Variants in SPON1 observed in about 807,000 individuals in gnomAD.
SPON1 encodes spondin-1.
A neutral mutation model predicts 111.7 loss-of-function variants in SPON1; 52 were observed. The ratio of observed to expected loss-of-function variants is 0.47; its 90% confidence interval spans 0.37 to 0.59. The LOEUF is 0.59. Ranked by LOEUF, SPON1 falls within the 20% of genes least tolerant of loss-of-function variation. The pLI is 0.00. For synonymous variants in SPON1, 410 were observed against 395.8 expected, an observed-to-expected ratio of 1.04 and a Z score of -0.43; for missense variants, 957 against 1,068.5, an observed-to-expected ratio of 0.90 and a Z score of 1.46.
intron 6 of SPON1, among the ~76,000 whole-genome samples, chr11:14,212,814 A>T (rs1241883417): frequency 6.6e-6 from 1 of 152,176 alleles, no homozygotes; most frequent in African/African-American, 2.4e-5. Context: ...ACATATAAGC[A>T]ATGGGGAGCC....
intron 2 of SPON1, among the ~76,000 whole-genome samples, chr11:13,989,262 A>G (rs1848209108): frequency 6.6e-6 from 1 of 152,032 alleles, no homozygotes; most frequent in Non-Finnish European, 1.5e-5. Context: ...CAGCTTCTTC[A>G]TGGTTTCGAC....
At chr11:14,078,563 T>C (rs112073575) in intron 4 of SPON1, among the ~76,000 whole-genome samples, 1,850 of 152,278 alleles carry the variant, frequency 0.012, 46 homozygotes, top group African/African-American at 0.041. Context: ...ATGAGGTCTT[T>C]CCTGGAGTAA....
intron 6 of SPON1, among the ~76,000 whole-genome samples, chr11:14,185,506 G>A (rs1213486169): frequency 1.3e-5 from 2 of 152,162 alleles, no homozygotes; most frequent in African/African-American, 2.4e-5. Flanking sequence ...ACAGACCAGG[G>A]GCTTGGTTCA....
Position 14,266,730 on chromosome 11 carries a change from CAG to C in SPON1, c.*1049_*1050del, listed in dbSNP as rs573296068. ...TATTTTAGTCATGAAATTTTATATG[CAG>C]AGAGAAAAAGTTACCGAGACAGAAA... On this transcript the variant is annotated 3_prime_UTR_variant, in exon 16 of 16. Transcript: ENST00000576479. 5.9e-5 allele frequency: 9 copies of C among 152,064 alleles called. No individual in the cohort carries two copies. The East Asian group carries it at 1.7e-3, about 29-fold the overall frequency. The allele number at this position is 152,064 out of a possible 1,614,324, so 9.4% of individuals were successfully genotyped here.
At chr11:14,208,856 A>G (rs1848543388) in intron 6 of SPON1, among the ~76,000 whole-genome samples, 1 of 152,120 alleles carries the variant, frequency 6.6e-6, no homozygotes, top group Non-Finnish European at 1.5e-5. Context: ...TACTTTATTA[A>G]TTATTATTGC....
chr11:14,143,351 C>G (rs2133864593), intron 6 of SPON1, among the ~76,000 whole-genome samples: 1 of 152,204 alleles, frequency 6.6e-6, no homozygotes, highest in Admixed American at 6.5e-5. Flanking sequence ...CACTTGAGCT[C>G]AGGAGTTCAA....
At chr11:14,085,043 A>G (rs887077718) in intron 5 of SPON1, among the ~76,000 whole-genome samples, 1 of 152,002 alleles carries the variant, frequency 6.6e-6, no homozygotes, top group Non-Finnish European at 1.5e-5. Flanking sequence ...TCTGGAAATT[A>G]GCCCTTTGTC....
intron 2 of SPON1, among the ~76,000 whole-genome samples, chr11:14,001,865 T>C (rs910195849): frequency 1.3e-5 from 2 of 152,176 alleles, no homozygotes; most frequent in African/African-American, 4.8e-5. Flanking sequence ...AAGAAATATT[T>C]GAAGATTAGA....
At chr11:14,158,058 GT>G (rs1166264225) in intron 6 of SPON1, among the ~76,000 whole-genome samples, 1 of 152,034 alleles carries the variant, frequency 6.6e-6, no homozygotes, top group Non-Finnish European at 1.5e-5. Flanking sequence ...CCAGACATGT[GT>G]ATGATAAATT....
At chr11:14,123,209 A>G (rs1249102843) in intron 5 of SPON1, among the ~76,000 whole-genome samples, 5 of 152,092 alleles carry the variant, frequency 3.3e-5, no homozygotes, top group Non-Finnish European at 5.9e-5. Flanking sequence ...CTGGGATTAC[A>G]GGCATGAGCA....
chr11:14,025,916 T>C (rs1454504537), intron 2 of SPON1, among the ~76,000 whole-genome samples: 2 of 152,192 alleles, frequency 1.3e-5, no homozygotes, highest in Non-Finnish European at 2.9e-5. Flanking sequence ...TTCTCTCTCT[T>C]TGTTCTTTCC....
intron 4 of SPON1, among the ~76,000 whole-genome samples, chr11:14,077,634 A>G (rs933927019): frequency 4.0e-5 from 6 of 151,804 alleles, no homozygotes; most frequent in African/African-American, 1.2e-4. Flanking sequence ...CATCTCTACT[A>G]AATATGAAAA....
Position 14,003,624 on chromosome 11 carries a change from G to A in SPON1, c.345+20671G>A, listed in dbSNP as rs534794578. Among the ~76,000 whole-genome samples, 22 of 152,260 alleles carry A rather than the reference G, an allele frequency of 1.4e-4. No individual in the cohort carries two copies. In the East Asian group the frequency reaches 2.3e-3, roughly 16 times the overall value. ...TTCTATCAAGACACAGAAAGAAAGC[G>A]GGAGAGCTGAAGGGACCTACATAAG... On this transcript the variant is annotated intron_variant, in intron 2 of 15. Coordinates refer to ENST00000576479, the MANE Select transcript of SPON1 (RefSeq NM_006108.4).
intron 5 of SPON1, among the ~76,000 whole-genome samples, chr11:14,099,806 G>A (rs1304005764): frequency 1.3e-5 from 2 of 152,136 alleles, no homozygotes; most frequent in African/African-American, 4.8e-5. Context: ...TTTCTGGTGA[G>A]GGCCTCAGGA....
At chr11:14,168,938 C>A (rs553196518) in intron 6 of SPON1, among the ~76,000 whole-genome samples, 1 of 152,004 alleles carries the variant, frequency 6.6e-6, no homozygotes, top group African/African-American at 2.4e-5. Flanking sequence ...TCATTGCTAT[C>A]GTTAACAGTG....
intron 2 of SPON1, among the ~76,000 whole-genome samples, chr11:13,984,642 C>A (rs1216465689): frequency 6.6e-6 from 1 of 152,200 alleles, no homozygotes. Flanking sequence ...AACACTGTTG[C>A]ATTGGGGATT....
intron 6 of SPON1, among the ~76,000 whole-genome samples, chr11:14,178,708 G>C (rs1554933391): frequency 6.6e-6 from 1 of 152,218 alleles, no homozygotes; most frequent in African/African-American, 2.4e-5. Flanking sequence ...GATGATTCCT[G>C]TAAAAAGCAC....
intron 5 of SPON1, among the ~76,000 whole-genome samples, chr11:14,099,358 C>T (rs142571250): frequency 7.0e-4 from 107 of 152,012 alleles, no homozygotes; most frequent in African/African-American, 2.4e-3. Context: ...TATACTGTTC[C>T]CTTCTATTTC....
chr11:14,026,604 A>C (rs1224809306), intron 2 of SPON1, among the ~76,000 whole-genome samples: 2 of 152,186 alleles, frequency 1.3e-5, no homozygotes, highest in Non-Finnish European at 2.9e-5. Flanking sequence ...GTGCACAAAC[A>C]GTTTTGATCC....
Sources: gnomAD v4.1 joint callset for allele counts (sites outside exome capture counted in the v4.1 genomes callset) on GRCh38, gnomAD v4.1.1 for gene constraint, MANE v1.5 for transcripts, NCBI Gene and HGNC (gene_info 2026-07-23, HGNC 2026-07-21) for gene names.